SNX27: variants seen among roughly 807,000 people sequenced by gnomAD.
SNX27 encodes sorting nexin 27.
SNX27 carries 22 observed loss-of-function variants against 71.6 expected under a neutral mutation model. The observed-to-expected ratio is 0.31, with a 90% CI of 0.22 to 0.44. The LOEUF is 0.44. SNX27 is among the 20% of genes least tolerant of loss of function. SNX27 has a pLI of 1.00. For synonymous variants in SNX27, 269 were observed against 277.2 expected (o/e 0.97, Z 0.29); for missense variants, 531 against 698.6 (o/e 0.76, Z 2.70).
chr1:151,628,662 G>GT (rs1414059032), intron 1 of SNX27, among the ~76,000 whole-genome samples: 1 of 152,160 alleles, frequency 6.6e-6, no homozygotes, highest in Non-Finnish European at 1.5e-5. Flanking sequence ...GTATTACCAG[G>GT]TTTTTTGATT....
intron 1 of SNX27, among the ~76,000 whole-genome samples, chr1:151,627,977 T>C (rs1423738519): frequency 6.6e-6 from 1 of 151,682 alleles, no homozygotes; most frequent in Non-Finnish European, 1.5e-5. Context: ...CAACATGGAC[T>C]TAAGGTTCCT....
chr1:151,642,628 ATTAT>A (rs1668830567), intron 2 of SNX27, among the ~76,000 whole-genome samples: 1 of 151,728 alleles, frequency 6.6e-6, no homozygotes, highest in Middle Eastern at 3.4e-3. Flanking sequence ...GAACTTTATT[ATTAT>A]TTATTTATTT....
At chr1:151,621,513 A>G (rs899566035) in intron 1 of SNX27, among the ~76,000 whole-genome samples, 13 of 152,168 alleles carry the variant, frequency 8.5e-5, no homozygotes, top group African/African-American at 2.9e-4. Flanking sequence ...TGATAGGCCT[A>G]TGTTTTCTAC....
At chr1:151,645,826 T>C (rs543663510) in intron 2 of SNX27, among the ~76,000 whole-genome samples, 6 of 152,356 alleles carry the variant, frequency 3.9e-5, no homozygotes, top group African/African-American at 1.4e-4. Flanking sequence ...ACCCTGTGCA[T>C]CATTGCTCCA....
chr1:151,690,880 GCA>G (rs1180695266), intron 8 of SNX27, among the ~76,000 whole-genome samples: 5 of 152,208 alleles, frequency 3.3e-5, no homozygotes, highest in African/African-American at 4.8e-5. Flanking sequence ...GCGCAAGGTT[GCA>G]CAGTTAGGAA....
chr1:151,678,040 T>C (rs1199665869), intron 7 of SNX27: 2 of 152,168 alleles, frequency 1.3e-5, no homozygotes, highest in Non-Finnish European at 2.9e-5. Flanking sequence ...ATTCTTTTTT[T>C]TAAAGGAGGG....
chr1:151,644,399 A>G (rs1321138863), intron 2 of SNX27, among the ~76,000 whole-genome samples: 1 of 152,142 alleles, frequency 6.6e-6, no homozygotes, highest in East Asian at 1.9e-4. Flanking sequence ...TTTTTTTTGT[A>G]ACTGGCTTCT....
At chr1:151,685,362 A>G (rs1671146014) in intron 8 of SNX27, 1 of 152,120 alleles carries the variant, frequency 6.6e-6, no homozygotes, top group Non-Finnish European at 1.5e-5. Flanking sequence ...ATATTGATTC[A>G]TGTACATTAA....
chr1:151,634,339 T>C (rs1360714918), intron 1 of SNX27, among the ~76,000 whole-genome samples: 2 of 152,228 alleles, frequency 1.3e-5, no homozygotes, highest in African/African-American at 2.4e-5. Flanking sequence ...TTGCTTACTA[T>C]GTAGAATGGC....
intron 1 of SNX27, among the ~76,000 whole-genome samples, chr1:151,621,504 G>A (rs1377490939): frequency 6.6e-6 from 1 of 152,208 alleles, no homozygotes; most frequent in Non-Finnish European, 1.5e-5. Flanking sequence ...AGACCAGAAT[G>A]ATAGGCCTAT....
chr1:151,619,457 G>A (rs1667572250), intron 1 of SNX27, among the ~76,000 whole-genome samples: 1 of 152,064 alleles, frequency 6.6e-6, no homozygotes, highest in African/African-American at 2.4e-5. Context: ...ATGCCACCAT[G>A]CCCAGCTAAT....
rs114827201 is a variant in SNX27 at position 151,672,462 on chromosome 1, A to G, written c.1149+3827A>G. On this transcript the variant is annotated intron_variant, in intron 7 of 11. Transcript: ENST00000458013. Reference sequence around the variant, plus strand: ...TATTGGTCTGTAGTTTCCTTTTTTGATATGTCTTTGTCTGGTTTTGGTATC... The same window carrying G: ...TATTGGTCTGTAGTTTCCTTTTTTGGTATGTCTTTGTCTGGTTTTGGTATC... Among the ~76,000 whole-genome samples the G allele has an allele frequency of 5.1e-3, 779 of 151,742 alleles. 3 individuals carry two copies. The highest frequency in any genetic ancestry group is 0.027 in the Middle Eastern group (8 of 292).
chr1:151,669,459 C>T (rs539483829), intron 7 of SNX27: 103 of 152,304 alleles, frequency 6.8e-4, no homozygotes, highest in African/African-American at 2.4e-3. Flanking sequence ...GCTCCATACT[C>T]TTCACCAGTT....
chr1:151,621,909 A>G (rs892097382), intron 1 of SNX27, among the ~76,000 whole-genome samples: 12 of 152,168 alleles, frequency 7.9e-5, no homozygotes, highest in South Asian at 2.1e-4. Context: ...GGAAACAGCA[A>G]TGAGTTTTGT....
chr1:151,676,333 T>G (rs1346752275), intron 7 of SNX27: 1 of 107,298 alleles, frequency 9.3e-6, no homozygotes, highest in Non-Finnish European at 1.7e-5. Context: ...TGAGACAGAG[T>G]CTGGCTCTGT....
chr1:151,618,053 A>G (rs1667507981), intron 1 of SNX27, among the ~76,000 whole-genome samples: 1 of 146,048 alleles, frequency 6.8e-6, no homozygotes, highest in Non-Finnish European at 1.5e-5. Context: ...TTTTTTGTAG[A>G]GATGGGGTTG....
intron 1 of SNX27, chr1:151,615,961 T>C: frequency 3.1e-6 from 1 of 320,850 alleles, no homozygotes; most frequent in South Asian, 1.2e-4. Flanking sequence ...TGGTTCAGTT[T>C]GCCTTTTCTC....
At chr1:151,680,022 C>G (rs1250266808) in intron 7 of SNX27, 1 of 151,766 alleles carries the variant, frequency 6.6e-6, no homozygotes, top group African/African-American at 2.4e-5. Context: ...TATTAGGAGC[C>G]TTTTAGTACT....
At chr1:151,628,690 C>T (rs1047691595) in intron 1 of SNX27, among the ~76,000 whole-genome samples, 5 of 152,070 alleles carry the variant, frequency 3.3e-5, no homozygotes, top group African/African-American at 1.2e-4. Context: ...TTCTAATAGG[C>T]GTGTAGTGGT....
Sources: allele counts gnomAD v4.1 joint callset (sites outside exome capture counted in the v4.1 genomes callset), GRCh38; gene constraint gnomAD v4.1.1; transcripts MANE v1.5; gene names NCBI Gene and HGNC (gene_info 2026-07-23, HGNC 2026-07-21).